The following DDX10 variants were observed in gnomAD, a reference collection of about 807,000 sequenced individuals.
DDX10 encodes the protein DEAD-box helicase 10.
In DDX10, 74 loss-of-function variants were observed where a neutral mutation model predicts 104.3. That is an observed-to-expected ratio of 0.71 (90% CI 0.59 to 0.86). The LOEUF is 0.86. Ranked by LOEUF, DDX10 falls within the 40% of genes least tolerant of loss-of-function variation. The pLI is 0.00. For missense variants in DDX10, 952 were observed against 1,040.0 expected (o/e 0.92, Z 1.16); for synonymous variants, 351 against 353.4 (o/e 0.99, Z 0.08).
chr11:108,932,443 A>G (rs376909608), intron 17 of DDX10, among the ~76,000 whole-genome samples: 30 of 151,802 alleles, frequency 2.0e-4, no homozygotes, highest in Non-Finnish European at 3.8e-4. Context: ...ACATAGCAAG[A>G]CCCCCATCTC....
At chr11:108,900,191 C>T (rs1863498223) in intron 16 of DDX10, among the ~76,000 whole-genome samples, 1 of 152,150 alleles carries the variant, frequency 6.6e-6, no homozygotes, top group Admixed American at 6.5e-5. Flanking sequence ...CTCCCTTTGC[C>T]TTCCACTGCG....
At chr11:108,683,054 G>T (rs1156574302) in intron 6 of DDX10, among the ~76,000 whole-genome samples, 3 of 152,122 alleles carry the variant, frequency 2.0e-5, no homozygotes, top group African/African-American at 4.8e-5. Flanking sequence ...AGACTCTGGG[G>T]TTATCCTATT....
At chr11:108,672,038 G>A (rs948290978) in intron 1 of DDX10, among the ~76,000 whole-genome samples, 1 of 146,262 alleles carries the variant, frequency 6.8e-6, no homozygotes, top group African/African-American at 2.6e-5. Context: ...TCCAGCCTGG[G>A]CGACACAGCG....
intron 10 of DDX10, 22 bp downstream of exon 10, chr11:108,706,859 T>C: frequency 6.3e-7 from 1 of 1,597,038 alleles, no homozygotes; most frequent in Non-Finnish European, 8.6e-7. Context: ...TTGTTGTCTT[T>C]ATGTTTTTAG....
At chr11:108,893,582 T>C (rs143873509) in intron 16 of DDX10, among the ~76,000 whole-genome samples, 13 of 151,762 alleles carry the variant, frequency 8.6e-5, no homozygotes, top group African/African-American at 2.7e-4. Context: ...ATTTTCCTTA[T>C]TTTTTTGGAG....
chr11:108,687,580 G>A (rs555804135), intron 6 of DDX10, among the ~76,000 whole-genome samples: 1 of 152,234 alleles, frequency 6.6e-6, no homozygotes, highest in East Asian at 1.9e-4. Flanking sequence ...TCTTTGGAGA[G>A]GTGTCTGTTA....
At chr11:108,790,533 CCT>C (rs1038100260) in intron 13 of DDX10, among the ~76,000 whole-genome samples, 2 of 152,110 alleles carry the variant, frequency 1.3e-5, no homozygotes, top group Non-Finnish European at 2.9e-5. Context: ...GTGGCTTTCT[CCT>C]CTCGTTTTCT....
intron 6 of DDX10, among the ~76,000 whole-genome samples, chr11:108,681,878 CATTA>C (rs1346917977): frequency 6.6e-6 from 1 of 152,074 alleles, no homozygotes. Context: ...CAATTTGAAA[CATTA>C]ATCATTATGA....
rs576481230 is a variant in DDX10 at position 108,891,622 on chromosome 11, A to G, written c.2305-26251A>G. Among the ~76,000 whole-genome samples, 5 of 152,316 alleles carry G rather than the reference A, an allele frequency of 3.3e-5. No homozygotes were observed. The South Asian group carries it at 1.0e-3, about 32-fold the overall frequency. On this transcript the variant is annotated intron_variant, in intron 16 of 17. Coordinates refer to ENST00000322536, the MANE Select transcript of DDX10 (RefSeq NM_004398.4). ...TTCTTGCCTCAAAGTATAATTGTAA[A>G]TCAGTCCCCACCATAATGCCGTTAC...
At chr11:108,670,378 A>T (rs1393277582) in intron 1 of DDX10, among the ~76,000 whole-genome samples, 1 of 152,144 alleles carries the variant, frequency 6.6e-6, no homozygotes, top group East Asian at 1.9e-4. Flanking sequence ...GCAGGTAGGA[A>T]GGTAGGAAGA....
At chr11:108,667,710 A>G (rs2134431942) in intron 1 of DDX10, among the ~76,000 whole-genome samples, 1 of 152,342 alleles carries the variant, frequency 6.6e-6, no homozygotes, top group South Asian at 2.1e-4. Flanking sequence ...TCATCCTGGT[A>G]CTTGATGTTT....
chr11:108,711,376 A>G (rs2094284064), intron 10 of DDX10, among the ~76,000 whole-genome samples: 1 of 152,250 alleles, frequency 6.6e-6, no homozygotes, highest in Non-Finnish European at 1.5e-5. Flanking sequence ...TCTGTCGCCC[A>G]GGCTGGAGTG....
chr11:108,676,258 C>T (rs1337091081), intron 3 of DDX10, among the ~76,000 whole-genome samples: 2 of 152,186 alleles, frequency 1.3e-5, no homozygotes, highest in East Asian at 3.9e-4. Flanking sequence ...ACGTTGGTCT[C>T]CTAATTTTTC....
chr11:108,695,127 C>A (rs1337231443), intron 9 of DDX10, among the ~76,000 whole-genome samples: 3 of 151,960 alleles, frequency 2.0e-5, no homozygotes, highest in African/African-American at 7.2e-5. Context: ...CTTAGTAATT[C>A]CACATCCAGA....
At chr11:108,762,251 C>T (rs1196805741) in intron 13 of DDX10, among the ~76,000 whole-genome samples, 3 of 152,060 alleles carry the variant, frequency 2.0e-5, no homozygotes, top group East Asian at 1.9e-4. Context: ...AATAGATAAG[C>T]GGCCCCTATG....
chr11:108,895,758 TA>T (rs1186733129), intron 16 of DDX10, among the ~76,000 whole-genome samples: 1 of 152,060 alleles, frequency 6.6e-6, no homozygotes, highest in East Asian at 1.9e-4. Flanking sequence ...CCTATTTTAA[TA>T]GCGTAGATGC....
At chr11:108,886,653 T>G (rs1193653664) in intron 16 of DDX10, among the ~76,000 whole-genome samples, 1 of 152,188 alleles carries the variant, frequency 6.6e-6, no homozygotes, top group African/African-American at 2.4e-5. Context: ...CAAAGTAGCT[T>G]TTATTTATTT....
intron 13 of DDX10, among the ~76,000 whole-genome samples, chr11:108,732,930 G>T (rs534082972): frequency 6.6e-6 from 1 of 152,202 alleles, no homozygotes; most frequent in East Asian, 1.9e-4. Flanking sequence ...TTCTTTTTCA[G>T]TTTAAACCTT....
chr11:108,876,020 TTA>T (rs1272402621), intron 16 of DDX10, among the ~76,000 whole-genome samples: 1 of 152,224 alleles, frequency 6.6e-6, no homozygotes, highest in Non-Finnish European at 1.5e-5. Context: ...TTGGAGAATA[TTA>T]TATGTTCTCC....
Sources: allele counts gnomAD v4.1 joint callset (sites outside exome capture counted in the v4.1 genomes callset), GRCh38; gene constraint gnomAD v4.1.1; transcripts MANE v1.5; gene names NCBI Gene and HGNC (gene_info 2026-07-23, HGNC 2026-07-21).